The following KLHL1 variants were observed in gnomAD, a reference collection of about 807,000 sequenced individuals.
KLHL1 encodes the protein kelch-like protein 1.
Under a neutral mutation model 77.7 loss-of-function variants are expected in KLHL1, and 47 were observed. The ratio of observed to expected loss-of-function variants is 0.60; its 90% CI spans 0.48 to 0.77. The LOEUF is 0.77. Among genes scored for constraint, KLHL1 ranks in the 30% least tolerant of loss-of-function variants. The pLI is 0.00. For synonymous variants in KLHL1, 360 were observed against 325.2 expected, an observed-to-expected ratio of 1.11 and a Z score of -1.15; for missense variants, 925 against 910.8, an observed-to-expected ratio of 1.02 and a Z score of -0.20.
intron 4 of KLHL1, among the ~76,000 whole-genome samples, chr13:69,889,860 C>T (rs1342271366): frequency 6.6e-6 from 1 of 152,042 alleles, no homozygotes; most frequent in East Asian, 1.9e-4. Context: ...GAAAGGAACA[C>T]ATAAGTGTTA....
intron 5 of KLHL1, among the ~76,000 whole-genome samples, chr13:69,860,550 C>T (rs935092221): frequency 6.6e-6 from 1 of 152,002 alleles, no homozygotes; most frequent in South Asian, 2.1e-4. Context: ...ATGAGTCTGA[C>T]TATAATCCTT....
intron 1 of KLHL1, among the ~76,000 whole-genome samples, chr13:70,098,643 T>C (rs910389791): frequency 1.3e-5 from 2 of 151,900 alleles, no homozygotes; most frequent in African/African-American, 2.4e-5. Flanking sequence ...TTCAATTAAA[T>C]AGCTTCCAGA....
At chr13:69,800,246 T>A (rs1877315705) in intron 6 of KLHL1, among the ~76,000 whole-genome samples, 1 of 152,206 alleles carries the variant, frequency 6.6e-6, no homozygotes, top group African/African-American at 2.4e-5. Context: ...AATAATCTGT[T>A]TATGTTAAAT....
chr13:69,785,418 C>A (rs1489646912), intron 7 of KLHL1, among the ~76,000 whole-genome samples: 1 of 151,966 alleles, frequency 6.6e-6, no homozygotes, highest in Admixed American at 6.6e-5. Context: ...GGGTACATAA[C>A]GAAATGAAGG....
intron 4 of KLHL1, among the ~76,000 whole-genome samples, chr13:69,916,594 G>A (rs978376517): frequency 6.6e-6 from 1 of 151,954 alleles, no homozygotes; most frequent in Non-Finnish European, 1.5e-5. Context: ...CTGTTGTGGA[G>A]TGGGGGGAAG....
At chr13:70,104,074 T>C (rs1393205097) in intron 1 of KLHL1, among the ~76,000 whole-genome samples, 1 of 152,156 alleles carries the variant, frequency 6.6e-6, no homozygotes, top group Admixed American at 6.5e-5. Flanking sequence ...AGAATATAAA[T>C]ATTGCTCTTT....
chr13:69,730,281 G>A (rs796842661), intron 8 of KLHL1, among the ~76,000 whole-genome samples: 2 of 142,448 alleles, frequency 1.4e-5, no homozygotes, highest in Non-Finnish European at 3.0e-5. Context: ...GTGTGTGTGT[G>A]TGTGTGTGTG....
chr13:69,756,797 A>T (rs2137957811), intron 7 of KLHL1, among the ~76,000 whole-genome samples: 2 of 152,296 alleles, frequency 1.3e-5, no homozygotes, highest in South Asian at 2.1e-4. Flanking sequence ...ATTAAATATC[A>T]GAGAACCATG....
intron 6 of KLHL1, among the ~76,000 whole-genome samples, chr13:69,804,142 A>C (rs1381566969): frequency 6.6e-6 from 1 of 152,190 alleles, no homozygotes; most frequent in Non-Finnish European, 1.5e-5. Flanking sequence ...ACCAGAAGAT[A>C]TTATATATAA....
chr13:69,855,385 T>C (rs796366710), intron 5 of KLHL1, among the ~76,000 whole-genome samples: 3,235 of 114,720 alleles, frequency 0.028, 80 homozygotes, highest in African/African-American at 0.043. Flanking sequence ...GATCTATAGA[T>C]AGAGATAGAG....
chr13:70,011,044 T>C (rs1314220178), intron 1 of KLHL1, among the ~76,000 whole-genome samples: 1 of 152,154 alleles, frequency 6.6e-6, no homozygotes, highest in East Asian at 1.9e-4. Context: ...AGTTTCATAA[T>C]TGTTATTGAC....
At chr13:69,884,986 TGC>T (rs1424437717) in intron 4 of KLHL1, among the ~76,000 whole-genome samples, 160 of 131,152 alleles carry the variant, frequency 1.2e-3, no homozygotes, top group Admixed American at 2.9e-3. Flanking sequence ...CAGGCCGGAC[TGC>T]GGACTGCAGT....
At chr13:69,729,279 T>C (rs767107458) in intron 8 of KLHL1, among the ~76,000 whole-genome samples, 10 of 152,160 alleles carry the variant, frequency 6.6e-5, no homozygotes, top group Non-Finnish European at 1.2e-4. Context: ...ATTTGTTATA[T>C]GAAATTGATG....
chr13:69,734,640 T>C (rs1258307139), intron 8 of KLHL1, among the ~76,000 whole-genome samples: 5 of 152,114 alleles, frequency 3.3e-5, no homozygotes, highest in Admixed American at 6.5e-5. Context: ...AAGATGAAAT[T>C]AGTGATAATA....
chr13:69,727,614 G>A (rs1873360262), intron 8 of KLHL1, among the ~76,000 whole-genome samples: 1 of 152,094 alleles, frequency 6.6e-6, no homozygotes, highest in African/African-American at 2.4e-5. Context: ...CTGTATTCTA[G>A]AATGAAGAAC....
intron 1 of KLHL1, among the ~76,000 whole-genome samples, chr13:70,025,606 G>A (rs766806656): frequency 7.9e-5 from 12 of 151,670 alleles, no homozygotes; most frequent in Non-Finnish European, 1.6e-4. Flanking sequence ...CTAAGAAAAA[G>A]TAAATTAGGA....
intron 6 of KLHL1, among the ~76,000 whole-genome samples, chr13:69,806,747 C>T (rs773516101): frequency 6.6e-6 from 1 of 152,156 alleles, no homozygotes; most frequent in Non-Finnish European, 1.5e-5. Context: ...AGGCAACCCA[C>T]ACAGAAACTC....
intron 6 of KLHL1, among the ~76,000 whole-genome samples, chr13:69,825,097 T>G (rs547785438): frequency 6.6e-6 from 1 of 152,142 alleles, no homozygotes; most frequent in South Asian, 2.1e-4. Flanking sequence ...GATGAGAATA[T>G]GGATGTTAAC....
At chr13:69,789,882 T>G (rs766989632) in intron 7 of KLHL1, among the ~76,000 whole-genome samples, 6 of 152,182 alleles carry the variant, frequency 3.9e-5, no homozygotes, top group Non-Finnish European at 5.9e-5. Context: ...CAACATTAAG[T>G]AAGTTTGGAG....
Sources: gnomAD v4.1 joint callset for allele counts (sites outside exome capture counted in the v4.1 genomes callset) on GRCh38, gnomAD v4.1.1 for gene constraint, MANE v1.5 for transcripts, NCBI Gene and HGNC (gene_info 2026-07-23, HGNC 2026-07-21) for gene names.